Variants in CCT7 observed in about 807,000 individuals in gnomAD.
CCT7 encodes the protein T-complex protein 1 subunit eta.
In CCT7, 16 loss-of-function variants were observed where a neutral mutation model predicts 56.6. The observed-to-expected ratio is 0.28, with a 90% CI of 0.19 to 0.43. The LOEUF is 0.43. Among genes scored for constraint, CCT7 ranks in the 20% least tolerant of loss-of-function variants. The pLI is 1.00. For synonymous variants in CCT7, 262 were observed against 254.8 expected (o/e 1.03, Z -0.27); for missense variants, 519 against 685.6 (o/e 0.76, Z 2.71).
chr2:73,239,431 C>G, intron 1 of CCT7: 2 of 536,724 alleles, frequency 3.7e-6, no homozygotes, highest in East Asian at 6.4e-5. Flanking sequence ...ATTTTCCTGT[C>G]TAGCATACCT....
chr2:73,252,571 A>T, intron 11 of CCT7, 69 bp from the exon 12 acceptor site: 1 of 1,227,078 alleles, frequency 8.1e-7, no homozygotes, highest in Non-Finnish European at 1.2e-6. Context: ...TGTCTTTTGG[A>T]GTACCAGTTT....
chr2:73,243,123 C>A lies in CCT7; in HGVS notation c.387C>A (p.Thr129=), dbSNP rs745892485. ...QIIIRAFRTA[T]QLAVNKIKEI... is the part of the protein sequence containing the mutation. The stretch of plus-strand genomic sequence containing the variant: ...TCATTCGAGCTTTCCGCACAGCCAC[C>A]CAGCTGGTATGGCAGTACTGATTAA... The change falls in exon 4 of 12, where the codon ACC becomes ACA. Residue 129 remains threonine (T), a synonymous_variant. Coordinates refer to ENST00000258091, the MANE Select transcript of CCT7 (RefSeq NM_006429.4). 3.1e-6 allele frequency: 5 copies of A among 1,613,924 alleles called. No homozygotes were observed. The highest frequency in any genetic ancestry group is 2.7e-5 in the African/African-American group (2 of 75,032).
intron 4 of CCT7, chr2:73,243,775 C>G (rs2103783928): frequency 1.9e-6 from 1 of 537,976 alleles, no homozygotes; most frequent in Non-Finnish European, 3.3e-6. Flanking sequence ...CCTGATTCTT[C>G]AGAACTGTAT....
At position 73,234,344 on chromosome 2, in the gene CCT7, G is replaced by T. The variant is rs1359704625; in HGVS notation, c.-35G>T. The T allele has an allele frequency of 1.2e-6, 2 of 1,613,654 alleles. No homozygotes were observed. The highest frequency in any genetic ancestry group is 1.7e-6 in the Non-Finnish European group (2 of 1,179,840). On this transcript the variant is annotated 5_prime_UTR_variant, in exon 1 of 12. It adds an upstream start codon to the 5' untranslated region. Coordinates refer to ENST00000258091, the MANE Select transcript of CCT7 (RefSeq NM_006429.4). ...CTGGGCGGCCCGGTCTCGGAGAAGA[G>T]GGGAGAGTGGCGGGCCGCTGAATAA...
chr2:73,251,359 C>T lies in CCT7; in HGVS notation c.1337C>T (p.Pro446Leu). 4 of 1,614,124 alleles carry T rather than the reference C, an allele frequency of 2.5e-6. No individual in the cohort carries two copies. Among genetic ancestry groups the T allele is most frequent in the Non-Finnish European group, 3.4e-6 (4 of 1,180,026 alleles). The stretch of plus-strand genomic sequence containing the variant: ...TATGCCAAGGCCTTGGAGATTATCC[C>T]ACGCCAGCTGTGTGACAATGCTGGC... ...GAYAKALEII[P>L]RQLCDNAGFD... Residue 446 changes from proline (P) to leucine (L), a missense_variant, in exon 11 of 12, where the codon CCA (proline) becomes CTA (leucine). Physicochemically the swap from Pro to Leu is moderately conservative, Grantham distance 98. Around this residue, in one of 3 missense-constraint regions of CCT7, gnomAD observed 237 missense variants for 300.8 expected, o/e 0.79. Transcript: ENST00000258091.
At chr2:73,237,002 G>A (rs1382562774) in intron 1 of CCT7, among the ~76,000 whole-genome samples, 1 of 152,220 alleles carries the variant, frequency 6.6e-6, no homozygotes. Context: ...CTTACAAGTA[G>A]CAGTTGGATT....
chr2:73,245,563 T>C (rs774934264), intron 6 of CCT7, among the ~76,000 whole-genome samples: 1 of 152,228 alleles, frequency 6.6e-6, no homozygotes, highest in Non-Finnish European at 1.5e-5. Context: ...CACAACTCCT[T>C]CTTTTTAACA....
chr2:73,235,275 T>C (rs968206276), intron 1 of CCT7, among the ~76,000 whole-genome samples: 2 of 152,130 alleles, frequency 1.3e-5, no homozygotes, highest in Non-Finnish European at 2.9e-5. Flanking sequence ...CTCGATGGTA[T>C]CTCCTGGGTT....
At position 73,250,397 on chromosome 2, in the gene CCT7, T is replaced by A; in HGVS notation, c.1162T>A (p.Ser388Thr). ...GCAGTTTATGGAGGAGACAGAGCGG[T>A]CCCTGCATGATGCCATCATGATCGT... Reference protein sequence around the residue: ...AEQFMEETERSLHDAIMIVRR... With the variant: ...AEQFMEETERTLHDAIMIVRR... Residue 388 changes from serine to threonine, a missense_variant, in exon 10 of 12, where the codon TCC (serine) becomes ACC (threonine). By Grantham distance (58) the Ser-to-Thr change is moderately conservative. Around this residue, in one of 3 missense-constraint regions of CCT7, gnomAD observed 237 missense variants for 300.8 expected, o/e 0.79. Transcript: ENST00000258091. 1 of 1,614,088 alleles carries A rather than the reference T, an allele frequency of 6.2e-7. No homozygotes were observed. Among genetic ancestry groups the A allele is most frequent in the South Asian group, 1.1e-5 (1 of 91,076 alleles).
intron 7 of CCT7, 39 bp from the exon 8 acceptor site, chr2:73,248,952 C>T (rs1166151543): frequency 6.4e-7 from 1 of 1,559,702 alleles, no homozygotes; most frequent in South Asian, 1.1e-5. Flanking sequence ...TGTCAACCTT[C>T]ACCCCAAAGC....
intron 3 of CCT7, among the ~76,000 whole-genome samples, chr2:73,242,437 G>T (rs1300345107): frequency 6.6e-6 from 1 of 151,934 alleles, no homozygotes; most frequent in South Asian, 2.1e-4. Flanking sequence ...CCGCCATCAC[G>T]CCCAGCTAAT....
At chr2:73,238,997 G>C (rs1289831924) in intron 1 of CCT7, 1 of 152,280 alleles carries the variant, frequency 6.6e-6, no homozygotes, top group African/African-American at 2.4e-5. Flanking sequence ...TAGTCACACA[G>C]AAGCTTTATT....
In CCT7 at chr2:73,244,607, G is replaced by A; in HGVS notation, c.510G>A (p.Gln170=). ...CTCTGAGCTCCAAGCTGATCTCCCA[G>A]CAGAAAGCTTTCTTTGCTAAGATGG... ...MTALSSKLIS[Q]QKAFFAKMVV... is the part of the protein sequence containing the mutation. The change falls in exon 6 of 12, where the codon CAG becomes CAA. Residue 170 remains glutamine, a synonymous_variant. Transcript: ENST00000258091. The A allele has an allele frequency of 6.2e-7, 1 of 1,613,898 alleles. No homozygotes were observed. The highest frequency in any genetic ancestry group is 8.5e-7 in the Non-Finnish European group (1 of 1,179,824).
intron 6 of CCT7, among the ~76,000 whole-genome samples, chr2:73,245,286 G>A (rs1687287251): frequency 6.6e-6 from 1 of 152,146 alleles, no homozygotes; most frequent in Non-Finnish European, 1.5e-5. Context: ...TGCTTATATA[G>A]TGTTCTGTAG....
At chr2:73,239,538 C>T in intron 1 of CCT7, 105 bp from the exon 2 acceptor site, 2 of 1,042,816 alleles carry the variant, frequency 1.9e-6, no homozygotes, top group Non-Finnish European at 2.8e-6. Flanking sequence ...AAGAAGACCT[C>T]TAGATAATTC....
At chr2:73,243,398 A>G (rs1040671638) in intron 4 of CCT7, among the ~76,000 whole-genome samples, 2 of 152,136 alleles carry the variant, frequency 1.3e-5, no homozygotes, top group Non-Finnish European at 2.9e-5. Context: ...CTCATGGCAT[A>G]CTACTACTAC....
chr2:73,246,901 A>G (rs1364507697), intron 6 of CCT7, among the ~76,000 whole-genome samples: 1 of 152,210 alleles, frequency 6.6e-6, no homozygotes. Context: ...ACAGTATTAT[A>G]GATTAGAATT....
intron 7 of CCT7, among the ~76,000 whole-genome samples, chr2:73,248,366 T>C (rs551834711): frequency 3.0e-4 from 45 of 151,284 alleles, no homozygotes; most frequent in African/African-American, 1.1e-3. Context: ...TTTTTTTTCC[T>C]TTAAGACGGA....
chr2:73,240,029 A>G (rs1320272998), intron 2 of CCT7: 2 of 461,596 alleles, frequency 4.3e-6, no homozygotes, highest in Non-Finnish European at 7.6e-6. Flanking sequence ...CGTGGCCTAG[A>G]AACATGAAAT....
Sources: allele counts gnomAD v4.1 joint callset (sites outside exome capture counted in the v4.1 genomes callset), GRCh38; gene constraint gnomAD v4.1.1; regional missense constraint gnomAD v4.1.1; transcripts MANE v1.5; gene names NCBI Gene and HGNC (gene_info 2026-07-23, HGNC 2026-07-21).